POLR1A: variants seen among roughly 807,000 people sequenced by gnomAD.
The protein encoded by POLR1A is RNA polymerase I subunit A, also known as DNA-directed RNA polymerase I subunit RPA1.
Under a neutral mutation model 205.3 loss-of-function variants are expected in POLR1A, and 84 were observed. That is an observed-to-expected ratio of 0.41 (90% CI 0.34 to 0.49). POLR1A has a LOEUF of 0.49. POLR1A is among the 20% of genes least tolerant of loss of function. The pLI, the probability that POLR1A is intolerant of heterozygous loss-of-function variation, is 0.22. For missense variants in POLR1A, 1,645 were observed against 2,204.5 expected, an observed-to-expected ratio of 0.75 and a Z score of 5.08; for synonymous variants, 799 against 863.7, an observed-to-expected ratio of 0.93 and a Z score of 1.31.
Position 86,027,298 on chromosome 2 carries a change from T to G in POLR1A, c.*125A>C, listed in dbSNP as rs1202812951. ...GCTTTCAGGCCCAAGGTCGCTGCTG[T>G]GCTCTGTACTGTCACTTGGAACTGC... On this transcript the variant is annotated 3_prime_UTR_variant, in exon 34 of 34. Coordinates refer to ENST00000263857, the MANE Select transcript of POLR1A (RefSeq NM_015425.6). 1.3e-6 allele frequency: 1 copy of G among 782,288 alleles called. No homozygotes were observed. The highest frequency in any genetic ancestry group is 1.7e-5 in the African/African-American group (1 of 59,108). The allele number at this position is 782,288 out of a possible 1,614,324, so 48.5% of individuals were successfully genotyped here.
chr2:86,094,822 C>A (rs576261461), intron 3 of POLR1A, among the ~76,000 whole-genome samples: 2 of 152,280 alleles, frequency 1.3e-5, no homozygotes, highest in African/African-American at 4.8e-5. Flanking sequence ...AACCACTCTC[C>A]CACCACTGCC....
chr2:86,040,373 G>A lies in POLR1A; in HGVS notation c.3740+19C>T, dbSNP rs762139653. The A allele has an allele frequency of 2.5e-6, 4 of 1,574,258 alleles. No individual in the cohort carries two copies. The highest frequency in any genetic ancestry group is 1.8e-5 in the Admixed American group (1 of 55,586). On this transcript the variant is annotated intron_variant, in intron 25 of 33. Coordinates refer to ENST00000263857, the MANE Select transcript of POLR1A (RefSeq NM_015425.6). ...GAGGCTAGGACAGACCCCACCCTGT[G>A]CTCCCTTGTGCCCCACACCTTGGAA... is the stretch of plus-strand genomic sequence containing the variant.
Position 86,052,891 on chromosome 2 carries a change from G to A in POLR1A, c.2318C>T (p.Thr773Ile), listed in dbSNP as rs1423378976. Reference sequence around the variant, plus strand: ...CAGGCAGGTTAGAACCTTGCCGCTGGTCTCGCCTCCATAGATCTCATAGCA... The same window carrying A: ...CAGGCAGGTTAGAACCTTGCCGCTGATCTCGCCTCCATAGATCTCATAGCA... ...HCCYEIYGGE[T>I]SGKVLTCLAR... is the part of the protein sequence containing the mutation. The change falls in exon 16 of 34, where the codon ACC (threonine) becomes ATC (isoleucine). Residue 773 changes from threonine (T) to isoleucine (I), a missense_variant. This residue lies in a region of POLR1A where 339 missense variants were observed against 415.1 expected (regional missense o/e 0.82). Coordinates refer to ENST00000263857, the MANE Select transcript of POLR1A (RefSeq NM_015425.6). 3.1e-6 allele frequency: 5 copies of A among 1,608,094 alleles called. No individual in the cohort carries two copies. The South Asian group carries it at 4.4e-5, about 14-fold the overall frequency.
At chr2:86,061,076 A>G (rs1672984768) in intron 14 of POLR1A, among the ~76,000 whole-genome samples, 1 of 152,216 alleles carries the variant, frequency 6.6e-6, no homozygotes, top group African/African-American at 2.4e-5. Flanking sequence ...CATTAAGGAC[A>G]TGATAATTAA....
In POLR1A at chr2:86,070,210, T is replaced by C; in HGVS notation, c.1674A>G (p.Arg558=). ...GGGCACGGTGGGCCTGGATGGAGGG[T>C]CTGTGCAGTGTGGGCTGTCGGTTCA... ...LLLNRQPTLH[R]PSIQAHRARI... is the part of the protein sequence containing the mutation. The change falls in exon 13 of 34, where the codon AGA becomes AGG. Residue 558 remains arginine, a synonymous_variant. Coordinates refer to ENST00000263857, the MANE Select transcript of POLR1A (RefSeq NM_015425.6). The surrounding 1 kb of genome is among the most constrained non-coding windows in gnomAD (Gnocchi z 4.4). 6 of 1,613,850 alleles carry C rather than the reference T, an allele frequency of 3.7e-6. No individual in the cohort carries two copies. Among genetic ancestry groups the C allele is most frequent in the Non-Finnish European group, 5.1e-6 (6 of 1,179,970 alleles).
chr2:86,044,180 G>A lies in POLR1A; in HGVS notation c.3094C>T (p.Leu1032=). The A allele has an allele frequency of 1.2e-6, 2 of 1,614,212 alleles. No individual in the cohort carries two copies. The highest frequency in any genetic ancestry group is 1.7e-6 in the Non-Finnish European group (2 of 1,180,032). ...AGGAAGGGGAACTGCTTGGGCTGCA[G>A]GAACTGTGTCTTGGGGATGTCCAGG... ...DGLDIPKTQF[L]QPKQFPFLAS... is the part of the protein sequence containing the mutation. The change falls in exon 22 of 34, where the codon CTG becomes TTG. Residue 1032 remains leucine, a synonymous_variant. Transcript: ENST00000263857.
At chr2:86,067,713 GT>G (rs374029138) in intron 13 of POLR1A, among the ~76,000 whole-genome samples, 41 of 152,218 alleles carry the variant, frequency 2.7e-4, no homozygotes, top group African/African-American at 8.2e-4. Flanking sequence ...CAAAATACTG[GT>G]TTTCCTAGTT....
chr2:86,075,382 C>T, intron 11 of POLR1A, 122 bp from the exon 12 acceptor site: 9 of 702,866 alleles, frequency 1.3e-5, no homozygotes, highest in African/African-American at 1.8e-5. Context: ...TTGACTTGGC[C>T]AAGAAGGTCT....
intron 14 of POLR1A, among the ~76,000 whole-genome samples, chr2:86,061,693 A>C (rs1672999126): frequency 6.6e-6 from 1 of 152,266 alleles, no homozygotes; most frequent in Admixed American, 6.5e-5. Flanking sequence ...AACATTATAA[A>C]GCAATAAAAA....
chr2:86,028,316 AC>A lies in POLR1A; in HGVS notation c.4898-268del, dbSNP rs1251787764. On this transcript the variant is annotated intron_variant, in intron 32 of 33. Coordinates refer to ENST00000263857, the MANE Select transcript of POLR1A (RefSeq NM_015425.6). This position sits in a 1 kb window ranked among gnomAD's most constrained non-coding sequence, Gnocchi z 4.5. ...GCACTGTTTTCACTTGGGAACTGAA[AC>A]CCCAAAGGCAGGATGGGGCCAAGTT... 1.3e-5 allele frequency among the ~76,000 whole-genome samples: 2 copies of A among 152,116 alleles called. No individual in the cohort carries two copies. The highest frequency in any genetic ancestry group is 1.3e-4 in the Admixed American group (2 of 15,270).
chr2:86,077,268 G>C (rs1002993393), intron 11 of POLR1A, among the ~76,000 whole-genome samples: 2 of 152,210 alleles, frequency 1.3e-5, no homozygotes, highest in Non-Finnish European at 2.9e-5. Context: ...AAGGATGTGA[G>C]AAGACGAAGC....
At position 86,068,769 on chromosome 2, in the gene POLR1A, G is replaced by A. The variant is rs139834931; in HGVS notation, c.1866+1249C>T. On this transcript the variant is annotated intron_variant, in intron 13 of 33. Transcript: ENST00000263857. ...AAGGGAAAGGCCAACTCAAACAACC[G>A]GGACCCTTGTGAAGCCACAGTGGTG... Among the ~76,000 whole-genome samples the A allele has an allele frequency of 3.5e-3, 531 of 152,306 alleles. 3 individuals carry two copies. The highest frequency in any genetic ancestry group is 4.5e-3 in the Non-Finnish European group (305 of 68,024).
chr2:86,092,538 A>G (rs1673625728), intron 3 of POLR1A, among the ~76,000 whole-genome samples: 1 of 152,230 alleles, frequency 6.6e-6, no homozygotes, highest in African/African-American at 2.4e-5. Flanking sequence ...AGAATTATCT[A>G]ACTCGGCTGG....
intron 14 of POLR1A, among the ~76,000 whole-genome samples, chr2:86,055,790 T>A (rs924317100): frequency 6.6e-6 from 1 of 152,076 alleles, no homozygotes; most frequent in African/African-American, 2.4e-5. Flanking sequence ...ACCAACCTAA[T>A]AAAGGGAGGC....
At chr2:86,065,904 A>C (rs1040816099) in intron 13 of POLR1A, among the ~76,000 whole-genome samples, 1 of 152,238 alleles carries the variant, frequency 6.6e-6, no homozygotes, top group African/African-American at 2.4e-5. Flanking sequence ...CATGCACTCA[A>C]CAAATATTTA....
intron 13 of POLR1A, among the ~76,000 whole-genome samples, chr2:86,069,470 G>A (rs311573): frequency 1.3e-5 from 2 of 152,116 alleles, no homozygotes; most frequent in Non-Finnish European, 2.9e-5. Context: ...TCCTTCCCTC[G>A]TGTCCCTCTG....
intron 1 of POLR1A, 151 bp downstream of exon 1, chr2:86,105,548 GA>G: frequency 1.7e-6 from 1 of 599,198 alleles, no homozygotes; most frequent in South Asian, 2.0e-5. Flanking sequence ...GCCGGCCCAG[GA>G]ACGTTCCCAG....
intron 6 of POLR1A, among the ~76,000 whole-genome samples, chr2:86,088,181 G>T (rs917003030): frequency 1.3e-5 from 2 of 152,186 alleles, no homozygotes; most frequent in African/African-American, 4.8e-5. Context: ...AATTCTTGCA[G>T]TTTTTCTTAA....
At chr2:86,066,999 CT>C (rs1232211957) in intron 13 of POLR1A, among the ~76,000 whole-genome samples, 1 of 152,096 alleles carries the variant, frequency 6.6e-6, no homozygotes, top group African/African-American at 2.4e-5. Context: ...CTGATTTTTC[CT>C]TTTGTTTTTT....
Sources: allele counts gnomAD v4.1 joint callset (sites outside exome capture counted in the v4.1 genomes callset), GRCh38; gene constraint gnomAD v4.1.1; regional missense constraint gnomAD v4.1.1; non-coding constraint Gnocchi (gnomAD v3.1); transcripts MANE v1.5; gene names NCBI Gene and HGNC (gene_info 2026-07-23, HGNC 2026-07-21).